The following DPYD variants were observed in gnomAD, a reference collection of about 807,000 sequenced individuals.
DPYD encodes dihydropyrimidine dehydrogenase.
In DPYD, 109 loss-of-function variants were observed where a neutral mutation model predicts 116.2. That is an observed-to-expected ratio of 0.94 (90% CI 0.80 to 1.10). The LOEUF (loss-of-function observed/expected upper bound fraction) is 1.10. Among genes scored for constraint, DPYD ranks in the 50% least tolerant of loss-of-function variants. The pLI is 0.00. For synonymous variants in DPYD, 440 were observed against 432.0 expected (o/e 1.02, Z -0.23); for missense variants, 1,302 against 1,254.5 (o/e 1.04, Z -0.57).
intron 3 of DPYD, 123 bp from the exon 4 acceptor site, chr1:97,740,602 C>A: frequency 1.2e-6 from 1 of 856,974 alleles, no homozygotes; most frequent in Admixed American, 2.1e-5. Context: ...TTTTTAGGTA[C>A]AAAACATTTT....
At chr1:97,285,858 T>C (rs1312914953) in intron 18 of DPYD, among the ~76,000 whole-genome samples, 1 of 152,020 alleles carries the variant, frequency 6.6e-6, no homozygotes. Flanking sequence ...TTTTGGAGAG[T>C]CCACCCGAGT....
chr1:97,359,514 C>A (rs1458908294), intron 16 of DPYD, among the ~76,000 whole-genome samples: 1 of 152,134 alleles, frequency 6.6e-6, no homozygotes, highest in Admixed American at 6.5e-5. Flanking sequence ...TTGTCAGATT[C>A]ACCAAGGTTG....
chr1:97,355,860 C>T (rs1670402821), intron 16 of DPYD, among the ~76,000 whole-genome samples: 1 of 152,086 alleles, frequency 6.6e-6, no homozygotes, highest in African/African-American at 2.4e-5. Context: ...CATAAGTTGC[C>T]TATTGTGAAT....
intron 16 of DPYD, among the ~76,000 whole-genome samples, chr1:97,327,735 T>C (rs1668778583): frequency 6.6e-6 from 1 of 152,004 alleles, no homozygotes; most frequent in African/African-American, 2.4e-5. Flanking sequence ...TTATAAATCA[T>C]ATAGATACAC....
At chr1:97,774,073 A>G (rs74107709) in intron 3 of DPYD, among the ~76,000 whole-genome samples, 2,353 of 152,292 alleles carry the variant, frequency 0.015, 23 homozygotes, top group Middle Eastern at 0.044. Flanking sequence ...CGTGGGGTCC[A>G]CATTCCCCAC....
intron 3 of DPYD, among the ~76,000 whole-genome samples, chr1:97,758,142 A>G (rs1030670913): frequency 2.0e-5 from 3 of 152,188 alleles, no homozygotes; most frequent in Non-Finnish European, 4.4e-5. Context: ...TCTGCATTGA[A>G]AAAACACTGG....
At chr1:97,605,241 T>C (rs553748196) in intron 8 of DPYD, among the ~76,000 whole-genome samples, 1 of 152,240 alleles carries the variant, frequency 6.6e-6, no homozygotes, top group African/African-American at 2.4e-5. Flanking sequence ...TTCATATCGA[T>C]ATGTGATATG....
rs1012718895 is a variant in DPYD, at chr1:97,545,779, A to G, written c.1524+3781T>C. 6 of 1,559,502 alleles carry G rather than the reference A, an allele frequency of 3.8e-6. No individual in the cohort carries two copies. In the African/African-American group the frequency reaches 4.1e-5, roughly 11 times the overall value. ...AACTTTGGCATCCCTAGAAAACTGC[A>G]TGAAGCTTTCTCAGATGGCCGTTCA... On this transcript the variant is annotated intron_variant, in intron 12 of 22. Coordinates refer to ENST00000370192, the MANE Select transcript of DPYD (RefSeq NM_000110.4).
chr1:97,775,772 T>C (rs79929748), intron 3 of DPYD, among the ~76,000 whole-genome samples: 235 of 152,264 alleles, frequency 1.5e-3, no homozygotes, highest in African/African-American at 5.2e-3. Flanking sequence ...TTCCAGAAAA[T>C]TGAATGATAC....
At chr1:97,394,353 A>G (rs527855329) in intron 14 of DPYD, 1 of 152,182 alleles carries the variant, frequency 6.6e-6, no homozygotes, top group African/African-American at 2.4e-5. Flanking sequence ...TGTTTTAGTC[A>G]TGAAGTACTT....
At chr1:97,593,429 C>T in intron 9 of DPYD, 42 bp from the exon 10 acceptor site, 1 of 1,607,548 alleles carries the variant, frequency 6.2e-7, no homozygotes, top group Non-Finnish European at 8.5e-7. Context: ...GTAGAGAAAC[C>T]ATTTCTGCAT....
At chr1:97,513,622 A>C (rs1319629007) in intron 13 of DPYD, among the ~76,000 whole-genome samples, 3 of 151,864 alleles carry the variant, frequency 2.0e-5, no homozygotes, top group Admixed American at 6.6e-5. Context: ...GGCTAATCTA[A>C]ATTGGTATAC....
intron 3 of DPYD, among the ~76,000 whole-genome samples, chr1:97,812,853 C>A (rs544765117): frequency 6.6e-6 from 1 of 152,176 alleles, no homozygotes; most frequent in Admixed American, 6.5e-5. Flanking sequence ...ATAACTATGT[C>A]ATCTATGGAA....
intron 1 of DPYD, among the ~76,000 whole-genome samples, chr1:97,901,242 T>C (rs965371648): frequency 6.6e-6 from 1 of 151,868 alleles, no homozygotes; most frequent in Non-Finnish European, 1.5e-5. Context: ...TATTCACTAC[T>C]CTGTACTTCT....
intron 13 of DPYD, among the ~76,000 whole-genome samples, chr1:97,490,228 A>T (rs939037036): frequency 1.3e-5 from 2 of 151,540 alleles, no homozygotes; most frequent in Non-Finnish European, 2.9e-5. Flanking sequence ...TAGAAATCTC[A>T]TCTGCTATAC....
chr1:97,578,311 C>T (rs578219045), intron 10 of DPYD, among the ~76,000 whole-genome samples: 2 of 152,126 alleles, frequency 1.3e-5, no homozygotes, highest in East Asian at 3.9e-4. Context: ...TGTTATGACA[C>T]CCATATATTT....
intron 18 of DPYD, among the ~76,000 whole-genome samples, chr1:97,264,559 T>G (rs938022068): frequency 2.6e-5 from 4 of 152,114 alleles, no homozygotes; most frequent in African/African-American, 9.7e-5. Context: ...ATCATATTTG[T>G]TTTACTAAGC....
rs571612207 is a variant in DPYD at position 97,509,702 on chromosome 1, A to C, written c.1740+6024T>G. ...ATATTTGTTCTCTCCTAGATGGAAAAAAGGTTCTCAAAATAAAGTACCTTA... is the reference window on the plus strand; with the variant it reads ...ATATTTGTTCTCTCCTAGATGGAAACAAGGTTCTCAAAATAAAGTACCTTA... On this transcript the variant is annotated intron_variant, in intron 13 of 22. Transcript: ENST00000370192. Among the ~76,000 whole-genome samples, 3 of 152,000 alleles carry C rather than the reference A, an allele frequency of 2.0e-5. No individual in the cohort carries two copies. The East Asian group carries it at 5.8e-4, about 30-fold the overall frequency.
chr1:97,323,373 T>TATGTACACGTATATATAC (rs1175569999), intron 16 of DPYD, among the ~76,000 whole-genome samples: 3 of 70,552 alleles, frequency 4.3e-5, no homozygotes, highest in African/African-American at 9.3e-5. Context: ...TATGTATACA[T>TATGTACACGTATATATAC]GTGTATATGT....
Sources: gnomAD v4.1 joint callset for allele counts (sites outside exome capture counted in the v4.1 genomes callset) on GRCh38, gnomAD v4.1.1 for gene constraint, MANE v1.5 for transcripts, NCBI Gene and HGNC (gene_info 2026-07-23, HGNC 2026-07-21) for gene names.